Variants in CNTNAP2 observed in about 807,000 individuals in gnomAD.
CNTNAP2 encodes the protein contactin associated protein 2, also known as contactin-associated protein-like 2.
CNTNAP2 carries 98 observed loss-of-function variants against 155.2 expected under a neutral mutation model. The observed-to-expected ratio is 0.63, with a 90% CI of 0.54 to 0.75. CNTNAP2 has a LOEUF of 0.75. Among genes scored for constraint, CNTNAP2 ranks in the 30% least tolerant of loss-of-function variants. The pLI, the probability that CNTNAP2 is intolerant of heterozygous loss-of-function variation, is 0.00. For synonymous variants in CNTNAP2, 651 were observed against 631.2 expected (o/e 1.03, Z -0.47); for missense variants, 1,727 against 1,688.1 (o/e 1.02, Z -0.40).
At chr7:147,198,626 T>C (rs1234599243) in intron 8 of CNTNAP2, among the ~76,000 whole-genome samples, 1 of 152,236 alleles carries the variant, frequency 6.6e-6, no homozygotes, top group Non-Finnish European at 1.5e-5. Context: ...TGCTGTTTTG[T>C]TGTTTACCAA....
At chr7:146,388,151 C>A (rs973551753) in intron 1 of CNTNAP2, among the ~76,000 whole-genome samples, 3 of 150,640 alleles carry the variant, frequency 2.0e-5, no homozygotes, top group African/African-American at 7.3e-5. Flanking sequence ...ATGCTTTTGG[C>A]CGGGCATGAG....
chr7:147,523,117 G>C (rs973012707), intron 11 of CNTNAP2, among the ~76,000 whole-genome samples: 3 of 152,198 alleles, frequency 2.0e-5, no homozygotes, highest in Non-Finnish European at 4.4e-5. Context: ...GCTGATGTCA[G>C]TGAGGGCCGC....
intron 1 of CNTNAP2, among the ~76,000 whole-genome samples, chr7:146,342,321 G>A (rs1048168913): frequency 3.9e-5 from 6 of 152,040 alleles, no homozygotes; most frequent in Non-Finnish European, 5.9e-5. Context: ...TTGACTGCTC[G>A]TACATAATTG....
Position 146,937,106 on chromosome 7 carries a change from G to A in CNTNAP2, c.402+97202G>A, listed in dbSNP as rs1482594875. ...TCGAGGGATTTAGAAAGTGAAAACC[G>A]GCCGGGCGCAGTGGCTCATGCCTGT... is the stretch of plus-strand genomic sequence containing the variant. On this transcript the variant is annotated intron_variant, in intron 3 of 23. Coordinates refer to ENST00000361727, the MANE Select transcript of CNTNAP2 (RefSeq NM_014141.6). 3.9e-5 allele frequency among the ~76,000 whole-genome samples: 6 copies of A among 152,108 alleles called. No individual in the cohort carries two copies. The East Asian group carries it at 5.8e-4, about 15-fold the overall frequency.
intron 13 of CNTNAP2, among the ~76,000 whole-genome samples, chr7:147,746,453 C>T (rs527839865): frequency 4.7e-4 from 72 of 152,246 alleles, no homozygotes; most frequent in Non-Finnish European, 8.1e-4. Context: ...ACACGTCTTC[C>T]GCTGGGACGA....
Position 146,568,258 on chromosome 7 carries a change from T to C in CNTNAP2, c.98-206013T>C, listed in dbSNP as rs79576428. On this transcript the variant is annotated intron_variant, in intron 1 of 23. Transcript: ENST00000361727. The stretch of plus-strand genomic sequence containing the variant: ...AGCATACGTAATCTACTATTAAAAG[T>C]TCCTAATTAGGGTAGCAACAAAAAC... 4.4e-3 allele frequency among the ~76,000 whole-genome samples: 675 copies of C among 152,272 alleles called. 28 individuals are homozygous for C. In the East Asian group the frequency reaches 0.092, roughly 21 times the overall value.
chr7:147,362,040 T>C (rs1189999964), intron 9 of CNTNAP2, among the ~76,000 whole-genome samples: 1 of 152,198 alleles, frequency 6.6e-6, no homozygotes, highest in Non-Finnish European at 1.5e-5. Context: ...CCCTCACCTG[T>C]GGCCCTTCCA....
intron 13 of CNTNAP2, among the ~76,000 whole-genome samples, chr7:147,852,989 A>G (rs1798976023): frequency 6.6e-6 from 1 of 152,206 alleles, no homozygotes; most frequent in African/African-American, 2.4e-5. Context: ...CACAGATGGA[A>G]GGAACATTGT....
At chr7:146,873,232 C>T (rs1481259534) in intron 3 of CNTNAP2, among the ~76,000 whole-genome samples, 3 of 149,278 alleles carry the variant, frequency 2.0e-5, no homozygotes, top group Non-Finnish European at 4.4e-5. Flanking sequence ...TCTACCCCAT[C>T]CCATCTCCAC....
chr7:147,850,567 AACAGATAT>A (rs1584989835), intron 13 of CNTNAP2, among the ~76,000 whole-genome samples: 5 of 152,358 alleles, frequency 3.3e-5, no homozygotes, highest in Admixed American at 2.0e-4. Context: ...CTGGTGCCAA[AACAGATAT>A]ATAGACCAAT....
chr7:148,252,334 G>A (rs116140531), intron 20 of CNTNAP2, among the ~76,000 whole-genome samples: 225 of 152,206 alleles, frequency 1.5e-3, no homozygotes, highest in African/African-American at 5.2e-3. Context: ...GAACTAATTC[G>A]TCAGCCCCTT....
In CNTNAP2 at chr7:147,261,872, T is replaced by A. The variant is rs529316478; in HGVS notation, c.1349-38269T>A. ...GATCATTAGATAGGCAAGCATCTGT[T>A]CAAGTAAAACTGGTTATTTGCTGAC... On this transcript the variant is annotated intron_variant, in intron 8 of 23. Coordinates refer to ENST00000361727, the MANE Select transcript of CNTNAP2 (RefSeq NM_014141.6). 1.1e-3 allele frequency among the ~76,000 whole-genome samples: 170 copies of A among 152,314 alleles called. 1 individual carries two copies. Among genetic ancestry groups the A allele is most frequent in the African/African-American group, 3.9e-3 (164 of 41,572 alleles).
chr7:146,770,661 T>G (rs1802279460), intron 1 of CNTNAP2, among the ~76,000 whole-genome samples: 1 of 150,212 alleles, frequency 6.7e-6, no homozygotes, highest in Admixed American at 6.6e-5. Flanking sequence ...ACTTTAATTT[T>G]TAAATTTTTA....
intron 21 of CNTNAP2, among the ~76,000 whole-genome samples, chr7:148,378,938 C>T (rs78298821): frequency 0.022 from 1,485 of 66,846 alleles, 545 homozygotes; most frequent in Middle Eastern, 0.1. Context: ...GCCACCAGTG[C>T]GACATACTTC....
chr7:146,204,660 A>G (rs1479674747), intron 1 of CNTNAP2, among the ~76,000 whole-genome samples: 2 of 152,210 alleles, frequency 1.3e-5, no homozygotes, highest in South Asian at 2.1e-4. Context: ...ATACTTTTCA[A>G]ATGTTTCAAC....
chr7:146,713,231 A>G (rs1585053616), intron 1 of CNTNAP2, among the ~76,000 whole-genome samples: 1 of 152,270 alleles, frequency 6.6e-6, no homozygotes, highest in East Asian at 1.9e-4. Context: ...CACATCAAAG[A>G]AAGCTTTGAA....
rs769520589 is a variant in CNTNAP2, at chr7:147,639,249, T to C, written c.2041T>C (p.Tyr681His). The C allele has an allele frequency of 6.2e-7, 1 of 1,614,118 alleles. No homozygotes were observed. The highest frequency in any genetic ancestry group is 8.5e-7 in the Non-Finnish European group (1 of 1,180,006). Residue 681 changes from tyrosine to histidine, a missense_variant, in exon 13 of 24, where the codon TAC (tyrosine) becomes CAC (histidine). Coordinates refer to ENST00000361727, the MANE Select transcript of CNTNAP2 (RefSeq NM_014141.6). ...QISAITDSAE[Y>H]CEQYVSYFCK... ...AAGTGCCATCACTGACAGTGCCGAGTACTGCGAGCAGTATGTCTCCTATTT... is the reference window on the plus strand; with the variant it reads ...AAGTGCCATCACTGACAGTGCCGAGCACTGCGAGCAGTATGTCTCCTATTT...
intron 1 of CNTNAP2, among the ~76,000 whole-genome samples, chr7:146,516,925 A>G (rs1797550138): frequency 6.6e-6 from 1 of 152,046 alleles, no homozygotes; most frequent in South Asian, 2.1e-4. Context: ...CCTCTTCTTC[A>G]AAAATTGATA....
chr7:146,297,675 G>A (rs7810175), intron 1 of CNTNAP2, among the ~76,000 whole-genome samples: 21,435 of 152,044 alleles, frequency 0.14, 3,896 homozygotes, highest in African/African-American at 0.42. Context: ...AAATTTATAT[G>A]TACTTCTTTG....
Sources: allele counts gnomAD v4.1 joint callset (sites outside exome capture counted in the v4.1 genomes callset), GRCh38; gene constraint gnomAD v4.1.1; transcripts MANE v1.5; gene names NCBI Gene and HGNC (gene_info 2026-07-23, HGNC 2026-07-21).